The following CCDC136 variants were observed in gnomAD, a reference collection of about 807,000 sequenced individuals.
The protein encoded by CCDC136 is coiled-coil domain containing 136, also known as coiled-coil domain-containing protein 136.
Under a neutral mutation model 141.2 loss-of-function variants are expected in CCDC136, and 100 were observed. The ratio of observed to expected loss-of-function variants is 0.71; its 90% confidence interval spans 0.60 to 0.84. The LOEUF (loss-of-function observed/expected upper bound fraction) is 0.84. CCDC136 is among the 40% of genes least tolerant of loss of function. The pLI is 0.00. For synonymous variants in CCDC136, 474 were observed against 531.9 expected, an observed-to-expected ratio of 0.89 and a Z score of 1.50; for missense variants, 1,206 against 1,379.4, an observed-to-expected ratio of 0.87 and a Z score of 1.99.
chr7:128,795,072 A>G (rs1255231108), intron 3 of CCDC136, among the ~76,000 whole-genome samples: 1 of 151,372 alleles, frequency 6.6e-6, no homozygotes. Context: ...CCTCCTTCAT[A>G]CTGCATCCCT....
In CCDC136 at chr7:128,810,299, T is replaced by C. The variant is rs1805518126; in HGVS notation, c.1961T>C (p.Phe654Ser). Residue 654 changes from phenylalanine (F) to serine (S), a missense_variant, in exon 12 of 18, where the codon TTC becomes TCC. Transcript: ENST00000297788. The part of the protein sequence containing the change: ...EELRRFKESH[F>S]QEVLENPDDS... ...CTGCGACGTTTCAAAGAGTCTCATT[T>C]CCAGGAAGTGTTGGAGAATCCCGAT... 2 of 1,613,922 alleles carry C rather than the reference T, an allele frequency of 1.2e-6. No homozygotes were observed. The highest frequency in any genetic ancestry group is 2.7e-5 in the African/African-American group (2 of 74,936).
intron 3 of CCDC136, among the ~76,000 whole-genome samples, chr7:128,800,372 C>T (rs1371605599): frequency 6.6e-6 from 1 of 152,168 alleles, no homozygotes; most frequent in Non-Finnish European, 1.5e-5. Context: ...CTCACAGCAA[C>T]CTCTGCCTCC....
Position 128,810,136 on chromosome 7 carries a change from C to G in CCDC136, c.1801-3C>G. The G allele has an allele frequency of 2.5e-6, 4 of 1,570,118 alleles. No individual in the cohort carries two copies. Among genetic ancestry groups the G allele is most frequent in the Non-Finnish European group, 3.5e-6 (4 of 1,155,858 alleles). On this transcript the variant is annotated splice_polypyrimidine_tract_variant and splice_region_variant and intron_variant, in intron 11 of 17. Coordinates refer to ENST00000297788, the MANE Select transcript of CCDC136 (RefSeq NM_022742.5). ...TTGCCTCCTTCCTTCTACTCCGCCT[C>G]AGAGTCAGGAGCTACTCACCAAGTT...
In CCDC136 at chr7:128,800,076, A is replaced by G. The variant is rs138938803; in HGVS notation, c.347-1110A>G. 6.7e-3 allele frequency among the ~76,000 whole-genome samples: 1,015 copies of G among 152,316 alleles called. 9 individuals carry two copies. Among genetic ancestry groups the G allele is most frequent in the African/African-American group, 0.023 (965 of 41,572 alleles). On this transcript the variant is annotated intron_variant, in intron 3 of 17. Coordinates refer to ENST00000297788, the MANE Select transcript of CCDC136 (RefSeq NM_022742.5). ...AACAACTACTCATTATGGTTTGGGCATAGATCTTTCCAGGCCTTTTTCTAT... is the reference window on the plus strand; with the variant it reads ...AACAACTACTCATTATGGTTTGGGCGTAGATCTTTCCAGGCCTTTTTCTAT...
rs186951091 is a variant in CCDC136 at position 128,812,538 on chromosome 7, G to A, written c.2542-170G>A. Among the ~76,000 whole-genome samples, 619 of 152,014 alleles carry A rather than the reference G, an allele frequency of 4.1e-3. 2 individuals are homozygous for A. The highest frequency in any genetic ancestry group is 0.017 in the Middle Eastern group (5 of 294). ...GACAGAGGCCCATAAGATTCAGTCC[G>A]TTTCCTCACCACAGCCACGATGCTC... On this transcript the variant is annotated intron_variant, in intron 13 of 17. Coordinates refer to ENST00000297788, the MANE Select transcript of CCDC136 (RefSeq NM_022742.5).
intron 10 of CCDC136, 119 bp from the exon 11 acceptor site, chr7:128,809,331 A>G (rs1232967735): frequency 5.6e-6 from 4 of 716,724 alleles, no homozygotes; most frequent in Non-Finnish European, 9.6e-6. Context: ...GACCAGTCCA[A>G]GGTGACTGCA....
intron 8 of CCDC136, 114 bp downstream of exon 8, chr7:128,806,509 C>T: frequency 8.9e-7 from 1 of 1,123,844 alleles, no homozygotes. Context: ...ACCACATAGG[C>T]AGCACCACAG....
rs779714574 is a variant in CCDC136 at position 128,806,308 on chromosome 7, G to A, written c.1161G>A (p.Glu387=). The change falls in exon 8 of 18, where the codon GAG becomes GAA. Residue 387 remains glutamate, a synonymous_variant. Coordinates refer to ENST00000297788, the MANE Select transcript of CCDC136 (RefSeq NM_022742.5). ...KYDTSQDEQN[E]LLKMQLQLQT... ...ATACTAGCCAGGATGAGCAGAACGA[G>A]CTCTTGAAGATGCAGCTGCAACTTC... 3.8e-6 allele frequency: 6 copies of A among 1,592,104 alleles called. No homozygotes were observed. In the East Asian group the frequency reaches 1.4e-4, roughly 36 times the overall value.
Position 128,810,278 on chromosome 7 carries a change from G to A in CCDC136, c.1940G>A (p.Arg647Gln), listed in dbSNP as rs202183336. 190 of 1,613,948 alleles carry A rather than the reference G, an allele frequency of 1.2e-4. No homozygotes were observed. The highest frequency in any genetic ancestry group is 4.3e-4 in the South Asian group (39 of 91,046). Reference sequence around the variant, plus strand: ...CAATTAGAGATCCACGAAGAGCTGCGACGTTTCAAAGAGTCTCATTTCCAG... The same window carrying A: ...CAATTAGAGATCCACGAAGAGCTGCAACGTTTCAAAGAGTCTCATTTCCAG... The part of the protein sequence containing the change: ...KEQLEIHEEL[R>Q]RFKESHFQEV... The change falls in exon 12 of 18, where the codon CGA (arginine) becomes CAA (glutamine). Residue 647 changes from arginine to glutamine, a missense_variant. Coordinates refer to ENST00000297788, the MANE Select transcript of CCDC136 (RefSeq NM_022742.5).
Position 128,817,733 on chromosome 7 carries a change from T to G in CCDC136, c.3364-25T>G. On this transcript the variant is annotated intron_variant, in intron 16 of 17. Coordinates refer to ENST00000297788, the MANE Select transcript of CCDC136 (RefSeq NM_022742.5). The surrounding 1 kb of genome is among the most constrained non-coding windows in gnomAD (Gnocchi z 4.6). ...ACATCTCCTGGTCTCTCCTCGTGCT[T>G]CTTTCTCATTTTGGTGTGTTGCAGT... The G allele has an allele frequency of 6.6e-7, 1 of 1,516,620 alleles. No individual in the cohort carries two copies. The highest frequency in any genetic ancestry group is 1.1e-5 in the South Asian group (1 of 89,056). 93.9% of individuals were successfully genotyped at this position (1,516,620 alleles called of 1,614,324 possible).
rs533889385 is a variant in CCDC136, at chr7:128,808,187, C to T, written c.1605+642C>T. ...AAGTAGCTGGGACTACAGGCACATGCCATTGTGCCTGGCTAATTTTTGTAT... is the reference window on the plus strand; with the variant it reads ...AAGTAGCTGGGACTACAGGCACATGTCATTGTGCCTGGCTAATTTTTGTAT... On this transcript the variant is annotated intron_variant, in intron 10 of 17. Transcript: ENST00000297788. Among the ~76,000 whole-genome samples, 7 of 152,318 alleles carry T rather than the reference C, an allele frequency of 4.6e-5. No homozygotes were observed. The East Asian group carries it at 1.4e-3, about 29-fold the overall frequency.
chr7:128,819,116 CCT>C (rs1246313863), intron 17 of CCDC136, among the ~76,000 whole-genome samples: 1 of 152,216 alleles, frequency 6.6e-6, no homozygotes, highest in East Asian at 1.9e-4. Flanking sequence ...CTGTTTCTCC[CCT>C]GTCACCCCCC....
intron 17 of CCDC136, among the ~76,000 whole-genome samples, chr7:128,818,824 T>G (rs1807040269): frequency 6.6e-6 from 1 of 152,054 alleles, no homozygotes; most frequent in African/African-American, 2.4e-5. Flanking sequence ...TAAGGTATTC[T>G]CTCTAGTCCT....
At chr7:128,802,210 C>G (rs1471058457) in intron 4 of CCDC136, among the ~76,000 whole-genome samples, 1 of 152,196 alleles carries the variant, frequency 6.6e-6, no homozygotes, top group Non-Finnish European at 1.5e-5. Context: ...TAGAGCCCTG[C>G]TTTCAGACAG....
At position 128,794,400 on chromosome 7, in the gene CCDC136, GGAA is replaced by G. The variant is rs774361033; in HGVS notation, c.75_77del (p.Glu26del). The G allele has an allele frequency of 2.2e-5, 34 of 1,554,626 alleles. No individual in the cohort carries two copies. In the African/African-American group the frequency reaches 3.0e-4, roughly 14 times the overall value. On this transcript the variant is annotated inframe_deletion, in exon 2 of 18. Coordinates refer to ENST00000297788, the MANE Select transcript of CCDC136 (RefSeq NM_022742.5). The surrounding 1 kb of genome is among the most constrained non-coding windows in gnomAD (Gnocchi z 4.3). ...AGGAGGAAGAGGAAGAGGAAGAGGA[GGAA>G]GAAGAGGTGGAAGAAGAAGAAGAAC...
Position 128,822,072 on chromosome 7 carries a change from C to A in CCDC136, c.*279C>A. 1 of 1,187,340 alleles carries A rather than the reference C, an allele frequency of 8.4e-7. No individual in the cohort carries two copies. The highest frequency in any genetic ancestry group is 1.5e-5 in the South Asian group (1 of 64,700). The allele number at this position is 1,187,340 out of a possible 1,614,324, so 73.6% of individuals were successfully genotyped here. A position where few individuals can be genotyped will look rare whatever the true frequency, so the allele number is the denominator to read the frequency against. Reference sequence around the variant, plus strand: ...AGGCTTGTGGGGAGCGGCTGACTTCCATCTCCTGCCTTGTGTAAGAACCTG... The same window carrying A: ...AGGCTTGTGGGGAGCGGCTGACTTCAATCTCCTGCCTTGTGTAAGAACCTG... On this transcript the variant is annotated 3_prime_UTR_variant, in exon 18 of 18. Coordinates refer to ENST00000297788, the MANE Select transcript of CCDC136 (RefSeq NM_022742.5).
chr7:128,808,602 C>T, intron 10 of CCDC136: 2 of 985,398 alleles, frequency 2.0e-6, no homozygotes, highest in Non-Finnish European at 2.4e-6. Flanking sequence ...TGGAGTTGGT[C>T]ACATTCTGCC....
chr7:128,791,476 G>A, upstream of CCDC136: 1 of 1,320,198 alleles, frequency 7.6e-7, no homozygotes, highest in Non-Finnish European at 9.6e-7. The surrounding 1 kb of genome is among the most constrained non-coding windows in gnomAD (Gnocchi z 7.1). Flanking sequence ...GAGGCGGAAG[G>A]CGGCGGCGGG....
In CCDC136 at chr7:128,805,735, G is replaced by A. The variant is rs746522876; in HGVS notation, c.949-26G>A. The A allele has an allele frequency of 1.1e-5, 17 of 1,608,418 alleles. No individual in the cohort carries two copies. The highest frequency in any genetic ancestry group is 1.4e-5 in the Non-Finnish European group (16 of 1,177,216). On this transcript the variant is annotated intron_variant, in intron 6 of 17. Transcript: ENST00000297788. The surrounding 1 kb of genome is among the most constrained non-coding windows in gnomAD (Gnocchi z 4.6). Reference sequence around the variant, plus strand: ...CATATGTGGTATCTGTAGTAAACAAGCCTCCCTGTTCCATTTCCCACATAG... The same window carrying A: ...CATATGTGGTATCTGTAGTAAACAAACCTCCCTGTTCCATTTCCCACATAG...
Sources: gnomAD v4.1 joint callset for allele counts (sites outside exome capture counted in the v4.1 genomes callset) on GRCh38, gnomAD v4.1.1 for gene constraint, Gnocchi (gnomAD v3.1) non-coding constraint, MANE v1.5 for transcripts, NCBI Gene and HGNC (gene_info 2026-07-23, HGNC 2026-07-21) for gene names.